The following AFF3 variants were observed in gnomAD, a reference collection of about 807,000 sequenced individuals.
AFF3 encodes the protein AF4/FMR2 family member 3.
AFF3 carries 32 observed loss-of-function variants against 129.7 expected under a neutral mutation model. That is an observed-to-expected ratio of 0.25 (90% CI 0.19 to 0.33). AFF3 has a LOEUF of 0.33. Ranked by LOEUF, AFF3 falls within the 10% of genes least tolerant of loss-of-function variation. The pLI is 1.00. For missense variants in AFF3, 1,373 were observed against 1,592.0 expected, an observed-to-expected ratio of 0.86 and a Z score of 2.34; for synonymous variants, 644 against 635.4, an observed-to-expected ratio of 1.01 and a Z score of -0.20.
At chr2:99,654,933 G>A (rs1372749584) in intron 12 of AFF3, among the ~76,000 whole-genome samples, 4 of 152,136 alleles carry the variant, frequency 2.6e-5, no homozygotes, top group Non-Finnish European at 5.9e-5. Flanking sequence ...AATCAAAGAG[G>A]AAATTAAATG....
intron 4 of AFF3, among the ~76,000 whole-genome samples, chr2:100,069,440 GAT>G (rs750093637): frequency 6.6e-6 from 1 of 152,152 alleles, no homozygotes; most frequent in Non-Finnish European, 1.5e-5. Flanking sequence ...TAGGAAACAT[GAT>G]AGTTTTTGCC....
Position 99,593,624 on chromosome 2 carries a change from G to A in AFF3, c.2037C>T (p.Ser679=), listed in dbSNP as rs746119773. The A allele has an allele frequency of 7.5e-6, 12 of 1,610,210 alleles. No homozygotes were observed. In the Admixed American group the frequency reaches 1.2e-4, roughly 16 times the overall value. The change falls in exon 15 of 25, where the codon TCC becomes TCT. Residue 679 remains serine (S), a synonymous_variant. Coordinates refer to ENST00000672756, the MANE Select transcript of AFF3 (RefSeq NM_001386135.1). ...ESSSSSSSSD[S]DLESEQEEYP... is the part of the protein sequence containing the mutation. ...ACTCCTCCTGCTCGGACTCCAGGTC[G>A]GAGTCCGAGGAGGAGGATGAAGATG...
chr2:100,037,195 C>T (rs1343487319), intron 4 of AFF3, among the ~76,000 whole-genome samples: 1 of 151,436 alleles, frequency 6.6e-6, no homozygotes, highest in Non-Finnish European at 1.5e-5. Flanking sequence ...TCTCAAGGTC[C>T]AAGAATAAAC....
chr2:99,858,367 G>A (rs569841793), intron 7 of AFF3, among the ~76,000 whole-genome samples: 58 of 142,236 alleles, frequency 4.1e-4, no homozygotes, highest in Admixed American at 9.8e-4. Context: ...GCAATGTGGC[G>A]AAACCCTGTT....
intron 3 of AFF3, 90 bp downstream of exon 3, chr2:100,105,414 C>A: frequency 7.6e-7 from 1 of 1,311,966 alleles, no homozygotes; most frequent in East Asian, 4.7e-5. Flanking sequence ...CGGACCTGCT[C>A]TCCGTTGCGG....
At chr2:99,936,737 C>T (rs1233577934) in intron 7 of AFF3, among the ~76,000 whole-genome samples, 6 of 152,200 alleles carry the variant, frequency 3.9e-5, no homozygotes, top group Non-Finnish European at 8.8e-5. Flanking sequence ...TGCAAACACG[C>T]TTGCTAAAAA....
chr2:99,793,944 A>G (rs1685384421), intron 8 of AFF3, among the ~76,000 whole-genome samples: 1 of 152,194 alleles, frequency 6.6e-6, no homozygotes, highest in African/African-American at 2.4e-5. Context: ...GAACTGCTCT[A>G]ACTACATTTT....
chr2:99,691,283 T>TA (rs796998737), intron 11 of AFF3, among the ~76,000 whole-genome samples: 24 of 152,316 alleles, frequency 1.6e-4, no homozygotes, highest in African/African-American at 5.3e-4. Context: ...AGGGGATACT[T>TA]AGAGTCTCAT....
At chr2:99,737,387 G>A (rs1216704325) in intron 10 of AFF3, among the ~76,000 whole-genome samples, 1 of 151,890 alleles carries the variant, frequency 6.6e-6, no homozygotes, top group Non-Finnish European at 1.5e-5. Context: ...CTTTTGTGAG[G>A]ATTTACTGGT....
intron 8 of AFF3, among the ~76,000 whole-genome samples, chr2:99,811,007 G>A (rs960122294): frequency 1.4e-4 from 21 of 152,102 alleles, no homozygotes; most frequent in African/African-American, 5.1e-4. Flanking sequence ...GATAATCCAG[G>A]ATAACCTCCC....
At chr2:99,605,673 C>T (rs905601324) in intron 13 of AFF3, among the ~76,000 whole-genome samples, 2 of 152,136 alleles carry the variant, frequency 1.3e-5, no homozygotes, top group African/African-American at 4.8e-5. Context: ...AGGATGGACT[C>T]GGCTAAGCCA....
chr2:100,008,745 A>G, intron 5 of AFF3, 67 bp downstream of exon 5: 1 of 1,559,206 alleles, frequency 6.4e-7, no homozygotes, highest in Admixed American at 1.8e-5. Flanking sequence ...CTTTTAGTCA[A>G]GGCCACCGTC....
At chr2:99,743,469 G>C (rs1436383760) in intron 10 of AFF3, among the ~76,000 whole-genome samples, 9 of 152,338 alleles carry the variant, frequency 5.9e-5, no homozygotes, top group African/African-American at 1.9e-4. Context: ...TAGGACACGA[G>C]CAGGGTAGCT....
chr2:100,106,820 C>T, intron 2 of AFF3: 2 of 985,538 alleles, frequency 2.0e-6, no homozygotes, highest in African/African-American at 1.7e-5. Flanking sequence ...AGCTCAGATA[C>T]AGATTTGCCC....
rs1401463646 is a variant in AFF3 at position 100,007,410 on chromosome 2, A to G, written c.225T>C (p.Asn75=). The G allele has an allele frequency of 6.2e-7, 1 of 1,614,164 alleles. No homozygotes were observed. Among genetic ancestry groups the G allele is most frequent in the Non-Finnish European group, 8.5e-7 (1 of 1,180,030 alleles). ...LSNRIQNTLG[N]YDEMKDFLTD... ...TTAAAAAGTCTTTCATTTCATCATA[A>G]TTGCCTAAAGTGTTCTGGATCCGGT... The change falls in exon 6 of 25, where the codon AAT becomes AAC. Residue 75 remains asparagine (N), a synonymous_variant. Transcript: ENST00000672756.
At position 99,640,359 on chromosome 2, in the gene AFF3, C is replaced by T. The variant is rs113585312; in HGVS notation, c.1184+9267G>A. Among the ~76,000 whole-genome samples, 737 of 151,780 alleles carry T rather than the reference C, an allele frequency of 4.9e-3. 10 individuals carry two copies. The highest frequency in any genetic ancestry group is 0.016 in the African/African-American group (653 of 41,364). ...TCATGCGTGATTTTTCTTGGTGGTGCGATGAGGTAATTACTATCATATGGA... is the reference window on the plus strand; with the variant it reads ...TCATGCGTGATTTTTCTTGGTGGTGTGATGAGGTAATTACTATCATATGGA... On this transcript the variant is annotated intron_variant, in intron 13 of 24. Transcript: ENST00000672756.
intron 7 of AFF3, among the ~76,000 whole-genome samples, chr2:99,887,752 G>A (rs1045362075): frequency 6.6e-6 from 1 of 152,132 alleles, no homozygotes; most frequent in Non-Finnish European, 1.5e-5. Flanking sequence ...ATTGCAAAAG[G>A]CATCGTGCTC....
Position 99,549,802 on chromosome 2 carries a change from C to A in AFF3, c.*1672G>T, listed in dbSNP as rs1379097210. ...GGAATTATGATGATCTTACTTCCCA[C>A]CTACAGATCAGGCTAACAAAAATGT... On this transcript the variant is annotated 3_prime_UTR_variant, in exon 25 of 25. Transcript: ENST00000672756. 1.4e-5 allele frequency: 3 copies of A among 220,180 alleles called. No individual in the cohort carries two copies. Among genetic ancestry groups the A allele is most frequent in the African/African-American group, 6.7e-5 (3 of 44,594 alleles). The allele number at this position is 220,180 out of a possible 1,614,324, so 13.6% of individuals were successfully genotyped here.
intron 13 of AFF3, among the ~76,000 whole-genome samples, chr2:99,648,917 A>ACTCTCTCTCTCTCTCT (rs769906171): frequency 9.2e-4 from 43 of 46,930 alleles, no homozygotes; most frequent in Non-Finnish European, 1.4e-3. Context: ...ACACACACAC[A>ACTCTCTCTCTCTCTCT]CTCTCTCTCT....
Sources: allele counts gnomAD v4.1 joint callset (sites outside exome capture counted in the v4.1 genomes callset), GRCh38; gene constraint gnomAD v4.1.1; transcripts MANE v1.5; gene names NCBI Gene and HGNC (gene_info 2026-07-23, HGNC 2026-07-21).